Variants in FBH1 observed in about 807,000 individuals in gnomAD.
FBH1 encodes F-box DNA helicase 1.
FBH1 carries 43 observed loss-of-function variants against 115.5 expected under a neutral mutation model. That is an observed-to-expected ratio of 0.37 (90% CI 0.29 to 0.48). FBH1 has a LOEUF of 0.48. Ranked by LOEUF, FBH1 falls within the 20% of genes least tolerant of loss-of-function variation. The pLI, the probability that FBH1 is intolerant of heterozygous loss-of-function variation, is 0.99. For synonymous variants in FBH1, 524 were observed against 507.8 expected (o/e 1.03, Z -0.43); for missense variants, 1,001 against 1,337.3 (o/e 0.75, Z 3.92).
chr10:5,898,857 C>G (rs1389477970), intron 1 of FBH1, among the ~76,000 whole-genome samples: 1 of 152,218 alleles, frequency 6.6e-6, no homozygotes, highest in Non-Finnish European at 1.5e-5. Flanking sequence ...ACCAGGTGGG[C>G]TAGCTGCTTA....
chr10:5,894,325 G>C (rs1842891751), intron 1 of FBH1: 25 of 1,529,448 alleles, frequency 1.6e-5, no homozygotes, highest in Non-Finnish European at 2.1e-5. Flanking sequence ...CTTTGGTTCT[G>C]ACATTTCACA....
chr10:5,893,824 G>C (rs976519690), intron 1 of FBH1, among the ~76,000 whole-genome samples: 7 of 152,194 alleles, frequency 4.6e-5, no homozygotes, highest in African/African-American at 1.7e-4. Context: ...AGCTCTCATG[G>C]AGTTTAAAAT....
Position 5,909,037 on chromosome 10 carries a change from G to T in FBH1, c.866G>T (p.Cys289Phe). The change falls in exon 4 of 21, where the codon TGT becomes TTT. Residue 289 changes from cysteine to phenylalanine, a missense_variant. Transcript: ENST00000362091. This position sits in a 1 kb window ranked among gnomAD's most constrained non-coding sequence, Gnocchi z 4.4. ...GGCATAGAAAAGGAGTCAGACCTGT[G>T]TGTGCTGAACCTCATACGGTGAGCT... ...NCGIEKESDLCVLNLIRYTAT... is the reference protein window; with the variant it reads ...NCGIEKESDLFVLNLIRYTAT... The T allele has an allele frequency of 6.2e-7, 1 of 1,614,198 alleles. No homozygotes were observed. The highest frequency in any genetic ancestry group is 1.7e-5 in the Admixed American group (1 of 60,024).
rs750988878 is a variant in FBH1 at position 5,906,304 on chromosome 10, G to C, written c.425G>C (p.Gly142Ala). The C allele has an allele frequency of 6.2e-7, 1 of 1,614,214 alleles. No individual in the cohort carries two copies. Residue 142 changes from glycine to alanine, a missense_variant, in exon 3 of 21, where the codon GGA (glycine) becomes GCA (alanine). Gly to Ala is a moderately conservative substitution (Grantham distance 60). This residue lies in a region of FBH1 where 420 missense variants were observed against 430.4 expected (regional missense o/e 0.98). Transcript: ENST00000362091. The surrounding 1 kb of genome is among the most constrained non-coding windows in gnomAD (Gnocchi z 7.3). The stretch of plus-strand genomic sequence containing the variant: ...GCTACCGGGACCAGCCGGTGGGATG[G>C]AGTTTCTAAGAAAGCTCCACGGCAC... ...NQATGTSRWDGVSKKAPRHHL... is the reference protein window; with the variant it reads ...NQATGTSRWDAVSKKAPRHHL...
chr10:5,894,979 G>C, intron 1 of FBH1: 1 of 1,539,954 alleles, frequency 6.5e-7, no homozygotes, highest in South Asian at 1.2e-5. Flanking sequence ...TTCCTGGCTT[G>C]AGTGAATACT....
At position 5,916,682 on chromosome 10, in the gene FBH1, T is replaced by G. The variant is rs665320; in HGVS notation, c.1788+226T>G. Among the ~76,000 whole-genome samples the G allele has an allele frequency of 8.7e-5, 6 of 68,724 alleles. No individual in the cohort carries two copies. The highest frequency in any genetic ancestry group is 1.0e-3 in the South Asian group (2 of 2,000). 45.1% of individuals were successfully genotyped at this position (68,724 alleles called of 152,430 possible). ...GAGGATGGGGGATCAGGGGAAGTGT[T>G]AGGGATCTGAGGATGGGGGAACGGG... On this transcript the variant is annotated intron_variant, in intron 10 of 20. Transcript: ENST00000362091.
rs1028021319 is a variant in FBH1 at position 5,918,942 on chromosome 10, G to A, written c.2100+464G>A. Among the ~76,000 whole-genome samples the A allele has an allele frequency of 1.3e-5, 2 of 152,216 alleles. No homozygotes were observed. The highest frequency in any genetic ancestry group is 2.9e-5 in the Non-Finnish European group (2 of 68,036). ...CAACTCACAGTGTCCTTGATTATGCGAAAAGTTTATTATGCGCTCCTTCCT... is the reference window on the plus strand; with the variant it reads ...CAACTCACAGTGTCCTTGATTATGCAAAAAGTTTATTATGCGCTCCTTCCT... On this transcript the variant is annotated intron_variant, in intron 13 of 20. Transcript: ENST00000362091. This position sits in a 1 kb window ranked among gnomAD's most constrained non-coding sequence, Gnocchi z 4.0.
intron 6 of FBH1, among the ~76,000 whole-genome samples, chr10:5,912,041 T>C (rs926249359): frequency 6.6e-6 from 1 of 151,958 alleles, no homozygotes; most frequent in Admixed American, 6.6e-5. Flanking sequence ...ACAGGGACAG[T>C]TGAGGGATCT....
At position 5,917,777 on chromosome 10, in the gene FBH1, T is replaced by A. The variant is rs1564452403; in HGVS notation, c.1963+101T>A. 4.3e-6 allele frequency: 4 copies of A among 940,736 alleles called. No individual in the cohort carries two copies. The highest frequency in any genetic ancestry group is 6.6e-6 in the Non-Finnish European group (4 of 608,902). The allele number at this position is 940,736 out of a possible 1,614,324, so 58.3% of individuals were successfully genotyped here. A position where few individuals can be genotyped will look rare whatever the true frequency, so the allele number is the denominator to read the frequency against. On this transcript the variant is annotated intron_variant, in intron 12 of 20. Coordinates refer to ENST00000362091, the MANE Select transcript of FBH1 (RefSeq NM_178150.3). The surrounding 1 kb of genome is among the most constrained non-coding windows in gnomAD (Gnocchi z 5.6). ...GTGAACTAAGTTGATTATTATTATT[T>A]GTGATAAAGAAGAGGATCTTCATAC...
At chr10:5,908,861 T>C in intron 3 of FBH1, 64 bp from the exon 4 acceptor site, 2 of 1,580,736 alleles carry the variant, frequency 1.3e-6, no homozygotes, top group East Asian at 2.2e-5. Context: ...TCTGCCCGCC[T>C]CATTAATCTG....
At chr10:5,927,385 A>G (rs778581634) in intron 18 of FBH1, 50 bp from the exon 19 acceptor site, 6 of 1,397,830 alleles carry the variant, frequency 4.3e-6, no homozygotes, top group Non-Finnish European at 6.0e-6. Context: ...AGGTTTTGTA[A>G]GCTTTTCTAA....
Position 5,924,140 on chromosome 10 carries a change from C to G in FBH1, c.2399-171C>G, listed in dbSNP as rs2132063829. 1 of 641,828 alleles carries G rather than the reference C, an allele frequency of 1.6e-6. No homozygotes were observed. Among genetic ancestry groups the G allele is most frequent in the Middle Eastern group, 4.2e-4 (1 of 2,370 alleles). 39.8% of individuals were successfully genotyped at this position (641,828 alleles called of 1,614,324 possible). ...GAGACGGAGAGGCTACTGCACTGCA[C>G]TGACTTGCCCAGGGACACACAGCGA... On this transcript the variant is annotated intron_variant, in intron 16 of 20. Transcript: ENST00000362091. The surrounding 1 kb of genome is among the most constrained non-coding windows in gnomAD (Gnocchi z 6.2).
intron 1 of FBH1, 67 bp downstream of exon 1, chr10:5,890,413 CGGGGTCCTGCGCGG>C: frequency 2.8e-6 from 1 of 356,988 alleles, no homozygotes; most frequent in South Asian, 1.4e-4. Context: ...ACTTAACCTC[CGGGGTCCTGCGCGG>C]GGGGTCCGGG....
In FBH1 at chr10:5,933,324, G is replaced by A. The variant is rs914819656; in HGVS notation, c.2830-3132G>A. Among the ~76,000 whole-genome samples the A allele has an allele frequency of 6.6e-5, 10 of 152,194 alleles. No homozygotes were observed. The highest frequency in any genetic ancestry group is 2.4e-4 in the African/African-American group (10 of 41,458). ...AATCACTTGAATCCGGGAGGCAGAG[G>A]TTGCAGTAGGCTGAAATCGTGCCAC... is the stretch of plus-strand genomic sequence containing the variant. On this transcript the variant is annotated intron_variant, in intron 19 of 20. Transcript: ENST00000362091. The surrounding 1 kb of genome is among the most constrained non-coding windows in gnomAD (Gnocchi z 4.9).
chr10:5,914,295 G>A lies in FBH1; in HGVS notation c.1396+26G>A, dbSNP rs370009539. 4 of 1,606,202 alleles carry A rather than the reference G, an allele frequency of 2.5e-6. No individual in the cohort carries two copies. The highest frequency in any genetic ancestry group is 1.7e-5 in the Admixed American group (1 of 60,010). The stretch of plus-strand genomic sequence containing the variant: ...GTAAGGGAGCCCACATCAGGTTCAC[G>A]AGGTGGTGGTTTTCTGCCTTTTCTC... On this transcript the variant is annotated intron_variant, in intron 8 of 20. Transcript: ENST00000362091. The surrounding 1 kb of genome is among the most constrained non-coding windows in gnomAD (Gnocchi z 5.2).
chr10:5,904,908 G>A (rs1035496946), intron 2 of FBH1, among the ~76,000 whole-genome samples: 7 of 152,024 alleles, frequency 4.6e-5, no homozygotes, highest in East Asian at 1.9e-4. Flanking sequence ...AGGCTAAACC[G>A]AGTTTCAGTC....
chr10:5,908,033 A>T (rs537006726), intron 3 of FBH1, among the ~76,000 whole-genome samples: 27 of 152,252 alleles, frequency 1.8e-4, no homozygotes, highest in African/African-American at 6.5e-4. Context: ...CGCTTAGTCC[A>T]TAGTGTTGTT....
In FBH1 at chr10:5,924,241, A is replaced by G. The variant is rs2132064665; in HGVS notation, c.2399-70A>G. 3.3e-6 allele frequency: 5 copies of G among 1,507,614 alleles called. No individual in the cohort carries two copies. In the South Asian group the frequency reaches 4.6e-5, roughly 14 times the overall value. 93.4% of individuals were successfully genotyped at this position (1,507,614 alleles called of 1,614,324 possible). A position where few individuals can be genotyped will look rare whatever the true frequency, so the allele number is the denominator to read the frequency against. On this transcript the variant is annotated intron_variant, in intron 16 of 20. Transcript: ENST00000362091. This position sits in a 1 kb window ranked among gnomAD's most constrained non-coding sequence, Gnocchi z 6.2. ...TCTGCTCTTGCGCAGCTGCTTAGGA[A>G]CGTGCAGCACCTGCCACCATCTGTT...
At position 5,937,281 on chromosome 10, in the gene FBH1, G is replaced by A; in HGVS notation, c.*1G>A. On this transcript the variant is annotated 3_prime_UTR_variant, in exon 21 of 21. Transcript: ENST00000362091. ...GGCCCTGCTCTTCCTCGTCTTCTGA[G>A]GACAAGGCGCACGTTCTCCGCAGTG... 6.3e-7 allele frequency: 1 copy of A among 1,596,004 alleles called. No individual in the cohort carries two copies. Among genetic ancestry groups the A allele is most frequent in the Non-Finnish European group, 8.5e-7 (1 of 1,169,906 alleles).
Sources: allele counts gnomAD v4.1 joint callset (sites outside exome capture counted in the v4.1 genomes callset), GRCh38; gene constraint gnomAD v4.1.1; regional missense constraint gnomAD v4.1.1; non-coding constraint Gnocchi (gnomAD v3.1); transcripts MANE v1.5; gene names NCBI Gene and HGNC (gene_info 2026-07-23, HGNC 2026-07-21).